The following FANCC variants were observed in gnomAD, a reference collection of about 807,000 sequenced individuals.
The protein encoded by FANCC is Fanconi anemia group C protein.
FANCC carries 55 observed loss-of-function variants against 71.3 expected under a neutral mutation model. That is an observed-to-expected ratio of 0.77 (90% CI 0.62 to 0.97). The LOEUF (loss-of-function observed/expected upper bound fraction) is 0.97. Among genes scored for constraint, FANCC ranks in the 50% least tolerant of loss-of-function variants. The probability of loss-of-function intolerance (pLI) is 0.00; values close to 1 mark genes in which losing one functional copy is unlikely to be tolerated. For synonymous variants in FANCC, 275 were observed against 244.9 expected (o/e 1.12, Z -1.15); for missense variants, 678 against 670.9 (o/e 1.01, Z -0.12).
chr9:95,197,402 G>A (rs566034696), intron 4 of FANCC, among the ~76,000 whole-genome samples: 9 of 152,208 alleles, frequency 5.9e-5, no homozygotes, highest in Non-Finnish European at 1.0e-4. Flanking sequence ...AGCCGGGTAT[G>A]GTGGCACGCA....
At chr9:95,222,786 CTG>C (rs1367574530) in intron 4 of FANCC, among the ~76,000 whole-genome samples, 1 of 152,144 alleles carries the variant, frequency 6.6e-6, no homozygotes, top group Non-Finnish European at 1.5e-5. Context: ...TTTTCATTTT[CTG>C]TGTTTCCTTC....
At chr9:95,184,953 C>A (rs1339962038) in intron 4 of FANCC, among the ~76,000 whole-genome samples, 1 of 152,186 alleles carries the variant, frequency 6.6e-6, no homozygotes, top group African/African-American at 2.4e-5. Flanking sequence ...TAGTCTGAAG[C>A]CACCTATAAT....
intron 4 of FANCC, among the ~76,000 whole-genome samples, chr9:95,196,410 T>C (rs1832592559): frequency 6.6e-6 from 1 of 152,244 alleles, no homozygotes; most frequent in African/African-American, 2.4e-5. Context: ...GATTGATTTA[T>C]AATATTTTAA....
At chr9:95,203,007 A>G (rs1190126112) in intron 4 of FANCC, among the ~76,000 whole-genome samples, 2 of 152,214 alleles carry the variant, frequency 1.3e-5, no homozygotes, top group East Asian at 3.9e-4. Context: ...TATCAGCTAA[A>G]TAAGTAAAAG....
intron 1 of FANCC, among the ~76,000 whole-genome samples, chr9:95,291,307 G>A (rs141057380): frequency 6.6e-6 from 1 of 151,988 alleles, no homozygotes; most frequent in Non-Finnish European, 1.5e-5. Flanking sequence ...AGATGACACA[G>A]TACATAGAAA....
chr9:95,219,133 A>G (rs1439565921), intron 4 of FANCC, among the ~76,000 whole-genome samples: 1 of 152,182 alleles, frequency 6.6e-6, no homozygotes, highest in East Asian at 1.9e-4. Context: ...TTTGGATCTC[A>G]GGTTGAAGGC....
At chr9:95,287,253 GT>G (rs1324142321) in intron 1 of FANCC, among the ~76,000 whole-genome samples, 1 of 151,748 alleles carries the variant, frequency 6.6e-6, no homozygotes, top group African/African-American at 2.4e-5. Context: ...GTTTTTTATT[GT>G]TTTTTGTTGT....
chr9:95,306,408 A>C lies in FANCC; in HGVS notation c.-79+11118T>G, dbSNP rs567589134. Among the ~76,000 whole-genome samples the C allele has an allele frequency of 2.0e-5, 3 of 152,280 alleles. No homozygotes were observed. The South Asian group carries it at 6.2e-4, about 32-fold the overall frequency. On this transcript the variant is annotated intron_variant, in intron 1 of 14. Transcript: ENST00000289081. ...GTATTCAAAGATTACATTTCTCCTA[A>C]TGCCCCTATTTACACAGTAGAAAGA... is the stretch of plus-strand genomic sequence containing the variant.
chr9:95,106,580 G>A (rs1447266089), intron 14 of FANCC, among the ~76,000 whole-genome samples: 3 of 152,096 alleles, frequency 2.0e-5, no homozygotes. Context: ...GACTTGGACC[G>A]TTTTTTACCC....
chr9:95,209,924 A>G (rs1828385783), intron 4 of FANCC, among the ~76,000 whole-genome samples: 1 of 152,210 alleles, frequency 6.6e-6, no homozygotes, highest in African/African-American at 2.4e-5. Flanking sequence ...ACTCTTGCAC[A>G]TGTATACCAG....
chr9:95,163,668 G>A lies in FANCC; in HGVS notation c.521+7411C>T, dbSNP rs572850082. On this transcript the variant is annotated intron_variant, in intron 6 of 14. Transcript: ENST00000289081. ...AGTTCGAGACCAGCATGACCAACAC[G>A]GAGAAAGCCCATCTCTACTAAAAAT... Among the ~76,000 whole-genome samples, 141 of 152,258 alleles carry A rather than the reference G, an allele frequency of 9.3e-4. 1 individual carries two copies. The highest frequency in any genetic ancestry group is 9.3e-4 in the Non-Finnish European group (63 of 68,020).
chr9:95,241,763 G>A (rs370154612), intron 3 of FANCC, among the ~76,000 whole-genome samples: 3 of 152,060 alleles, frequency 2.0e-5, no homozygotes, highest in South Asian at 2.1e-4. Flanking sequence ...GGGCTCCAGC[G>A]ATTCTCCCAC....
intron 8 of FANCC, 97 bp from the exon 9 acceptor site, chr9:95,126,678 G>A: frequency 2.3e-6 from 3 of 1,287,504 alleles, no homozygotes; most frequent in East Asian, 2.4e-5. Context: ...AACTGCTGAT[G>A]TCCAGAAAAC....
chr9:95,195,651 C>G (rs1827408817), intron 4 of FANCC, among the ~76,000 whole-genome samples: 1 of 152,132 alleles, frequency 6.6e-6, no homozygotes, highest in Non-Finnish European at 1.5e-5. Context: ...TATAAAAAGC[C>G]TTGCTAGAAT....
intron 4 of FANCC, among the ~76,000 whole-genome samples, chr9:95,198,817 A>G (rs750677808): frequency 3.3e-5 from 5 of 152,082 alleles, no homozygotes; most frequent in Non-Finnish European, 7.4e-5. Flanking sequence ...AGCTTATTAC[A>G]GCCTCCACCT....
chr9:95,276,293 T>C (rs553000738), intron 1 of FANCC, among the ~76,000 whole-genome samples: 20 of 152,358 alleles, frequency 1.3e-4, no homozygotes, highest in African/African-American at 4.1e-4. Context: ...TTCTTAAATA[T>C]GTTTTCACCC....
At position 95,111,540 on chromosome 9, in the gene FANCC, G is replaced by A. The variant is rs1284061457; in HGVS notation, c.1252C>T (p.Pro418Ser). The A allele has an allele frequency of 4.3e-6, 7 of 1,614,010 alleles. No individual in the cohort carries two copies. Among genetic ancestry groups the A allele is most frequent in the Non-Finnish European group, 5.9e-6 (7 of 1,180,042 alleles). ...AEQLLMSAAEPPTALLWLLAF... is the reference protein window; with the variant it reads ...AEQLLMSAAESPTALLWLLAF... ...AAGAGCCACAGCAGGGCCGTGGGGG[G>A]TTCGGCTGCCGACATCAGTAATTGC... Residue 418 changes from proline to serine, a missense_variant, in exon 13 of 15, where the codon CCC becomes TCC. By Grantham distance (74) the Pro-to-Ser change is moderately conservative. Coordinates refer to ENST00000289081, the MANE Select transcript of FANCC (RefSeq NM_000136.3).
At chr9:95,266,840 G>A (rs899095610) in intron 1 of FANCC, among the ~76,000 whole-genome samples, 1 of 152,144 alleles carries the variant, frequency 6.6e-6, no homozygotes, top group Non-Finnish European at 1.5e-5. Flanking sequence ...TTAGCTTTCA[G>A]TACTATGTAA....
At chr9:95,213,506 A>C (rs1172331116) in intron 4 of FANCC, among the ~76,000 whole-genome samples, 1 of 152,174 alleles carries the variant, frequency 6.6e-6, no homozygotes, top group Non-Finnish European at 1.5e-5. Flanking sequence ...ATCCCTGCAT[A>C]TCTGGTTGAA....
Sources: gnomAD v4.1 joint callset for allele counts (sites outside exome capture counted in the v4.1 genomes callset) on GRCh38, gnomAD v4.1.1 for gene constraint, MANE v1.5 for transcripts, NCBI Gene and HGNC (gene_info 2026-07-23, HGNC 2026-07-21) for gene names.